Variants in ERCC8 observed in about 807,000 individuals in gnomAD.
ERCC8 encodes ERCC excision repair 8, CSA ubiquitin ligase complex subunit, also known as DNA excision repair protein ERCC-8.
Under a neutral mutation model 54.9 loss-of-function variants are expected in ERCC8, and 52 were observed. The observed-to-expected ratio is 0.95, with a 90% CI of 0.76 to 1.19. The LOEUF is 1.19. ERCC8 is among the 50% of genes most tolerant of loss of function. The probability of loss-of-function intolerance (pLI) is 0.00; values close to 1 mark genes in which losing one functional copy is unlikely to be tolerated. For missense variants in ERCC8, 514 were observed against 466.1 expected (o/e 1.10, Z -0.95); for synonymous variants, 146 against 157.2 (o/e 0.93, Z 0.53).
intron 2 of ERCC8, among the ~76,000 whole-genome samples, chr5:60,926,132 T>C (rs113459006): frequency 0.011 from 1,630 of 152,272 alleles, 13 homozygotes; most frequent in Non-Finnish European, 0.019. Context: ...GCCTGTCATC[T>C]TTCAAGAATG....
In ERCC8 at chr5:60,896,341, C is replaced by T. The variant is rs567367692; in HGVS notation, c.843+1935G>A. Among the ~76,000 whole-genome samples the T allele has an allele frequency of 6.6e-5, 10 of 152,228 alleles. No homozygotes were observed. In the South Asian group the frequency reaches 2.1e-3, roughly 32 times the overall value. ...AAGCGATTCTCCTGTGTCAGCCTCC[C>T]GAGTAGCTGGGACTACAGGTGCCCA... is the stretch of plus-strand genomic sequence containing the variant. On this transcript the variant is annotated intron_variant, in intron 9 of 11. Transcript: ENST00000676185.
At chr5:60,942,046 G>A (rs1315443117) in intron 1 of ERCC8, among the ~76,000 whole-genome samples, 1 of 152,038 alleles carries the variant, frequency 6.6e-6, no homozygotes, top group Non-Finnish European at 1.5e-5. Context: ...ATCCGAAGTA[G>A]ACAACGAAAA....
At chr5:60,909,100 TA>T (rs1227636269) in intron 4 of ERCC8, among the ~76,000 whole-genome samples, 3 of 151,752 alleles carry the variant, frequency 2.0e-5, no homozygotes, top group Non-Finnish European at 4.4e-5. Context: ...GTTTTGGCTT[TA>T]AAAAAGTCAA....
rs1749496516 is a variant in ERCC8, at chr5:60,918,280, A to G, written c.384T>C (p.Asp128=). The change falls in exon 4 of 12, where the codon GAT becomes GAC. Residue 128 remains aspartate, a synonymous_variant. Transcript: ENST00000676185. ...ATGTACTTACTTGTAATGTATTTGTATCCCATACTTTCAGAGTTTTATCAA... is the reference window on the plus strand; with the variant it reads ...ATGTACTTACTTGTAATGTATTTGTGTCCCATACTTTCAGAGTTTTATCAA... ...SSFDKTLKVW[D]TNTLQTADVF... 3 of 1,598,050 alleles carry G rather than the reference A, an allele frequency of 1.9e-6. No individual in the cohort carries two copies. The highest frequency in any genetic ancestry group is 2.7e-5 in the African/African-American group (2 of 74,620).
At chr5:60,876,303 A>T (rs1579980019) in intron 11 of ERCC8, among the ~76,000 whole-genome samples, 1 of 152,126 alleles carries the variant, frequency 6.6e-6, no homozygotes, top group East Asian at 1.9e-4. Flanking sequence ...GGTTGGTTCC[A>T]AGTCTTTCCT....
chr5:60,897,420 C>A (rs1333433730), intron 9 of ERCC8, among the ~76,000 whole-genome samples: 1 of 152,194 alleles, frequency 6.6e-6, no homozygotes, highest in East Asian at 1.9e-4. Context: ...GTTTTGCCAA[C>A]TGCTGTCTAA....
At chr5:60,886,794 T>C (rs1178085382) in intron 11 of ERCC8, among the ~76,000 whole-genome samples, 1 of 151,592 alleles carries the variant, frequency 6.6e-6, no homozygotes, top group African/African-American at 2.4e-5. Flanking sequence ...ATTTAAGAGA[T>C]AATTCCACTT....
At chr5:60,888,604 TTAGA>T (rs1373285627) in intron 10 of ERCC8, among the ~76,000 whole-genome samples, 1 of 152,176 alleles carries the variant, frequency 6.6e-6, no homozygotes, top group Non-Finnish European at 1.5e-5. Flanking sequence ...CAAAGAACAC[TTAGA>T]TAGAATGATT....
At position 60,869,653 on chromosome 5, in the gene ERCC8, A is replaced by G. The variant is rs1747822508; in HGVS notation, c.*4962T>C. Among the ~76,000 whole-genome samples, 1 of 152,314 alleles carries G rather than the reference A, an allele frequency of 6.6e-6. No homozygotes were observed. Among genetic ancestry groups the G allele is most frequent in the African/African-American group, 2.4e-5 (1 of 41,584 alleles). On this transcript the variant is annotated 3_prime_UTR_variant, in exon 12 of 12. Transcript: ENST00000676185. ...AATTCTAAAGTAAAGGCATGGTAGC[A>G]AGTTTAAAAGAGAGGTCAAGCTGAT... is the stretch of plus-strand genomic sequence containing the variant.
intron 9 of ERCC8, chr5:60,892,768 G>C: frequency 1.4e-6 from 1 of 691,012 alleles, no homozygotes. Flanking sequence ...GCATCCAGCA[G>C]CCGGATGAAC....
intron 11 of ERCC8, among the ~76,000 whole-genome samples, chr5:60,884,772 A>G (rs1160401001): frequency 1.3e-5 from 2 of 152,096 alleles, no homozygotes; most frequent in African/African-American, 4.8e-5. Flanking sequence ...ACTTTAGCAC[A>G]TACCATTTTA....
chr5:60,943,499 T>TTG (rs1750326165), intron 1 of ERCC8, among the ~76,000 whole-genome samples: 1 of 152,196 alleles, frequency 6.6e-6, no homozygotes, highest in Non-Finnish European at 1.5e-5. Context: ...CTATGGGTGA[T>TTG]TGGTCACTGT....
At position 60,866,850 on chromosome 5, in the gene ERCC8, T is replaced by C. The variant is rs943480180; in HGVS notation, c.*7765A>G. On this transcript the variant is annotated 3_prime_UTR_variant, in exon 12 of 12. Transcript: ENST00000676185. ...TTTCTATTCCAGTTTTCTGTCCCCT[T>C]CCTTTTTTTTTTGAGATGGAGTCTC... 2.0e-5 allele frequency: 3 copies of C among 152,072 alleles called. No individual in the cohort carries two copies. Among genetic ancestry groups the C allele is most frequent in the African/African-American group, 7.2e-5 (3 of 41,402 alleles). The allele number at this position is 152,072 out of a possible 1,614,324, so 9.4% of individuals were successfully genotyped here.
At position 60,921,749 on chromosome 5, in the gene ERCC8, CTAATTAGT is replaced by C. The variant is rs1386170549; in HGVS notation, c.275+297_275+304del. Among the ~76,000 whole-genome samples, 29 of 151,724 alleles carry C rather than the reference CTAATTAGT, an allele frequency of 1.9e-4. 1 individual carries two copies. The highest frequency in any genetic ancestry group is 1.9e-3 in the Admixed American group (29 of 15,200). ...CTTACACTAAGTGGTACTAAAAACT[CTAATTAGT>C]TACTGAGATGTGCTATGTAGGTAAA... On this transcript the variant is annotated intron_variant, in intron 3 of 11. Transcript: ENST00000676185.
chr5:60,876,063 G>A (rs1747995964), intron 11 of ERCC8, among the ~76,000 whole-genome samples: 1 of 151,002 alleles, frequency 6.6e-6, no homozygotes, highest in Non-Finnish European at 1.5e-5. Context: ...GGTGTGTGAT[G>A]TTCCCCTTCC....
At chr5:60,876,640 G>A (rs1258625650) in intron 11 of ERCC8, among the ~76,000 whole-genome samples, 1 of 152,172 alleles carries the variant, frequency 6.6e-6, no homozygotes, top group Non-Finnish European at 1.5e-5. Flanking sequence ...GTGATGATGA[G>A]CATTTTTTCA....
At chr5:60,942,812 GTTGTAAAATGTT>G (rs1750300838) in intron 1 of ERCC8, among the ~76,000 whole-genome samples, 1 of 152,164 alleles carries the variant, frequency 6.6e-6, no homozygotes, top group African/African-American at 2.4e-5. Flanking sequence ...CCTCAATAAA[GTTGTAAAATGTT>G]TTTTTAGAGG....
chr5:60,913,466 A>G (rs1308657691), intron 4 of ERCC8, among the ~76,000 whole-genome samples: 1 of 151,848 alleles, frequency 6.6e-6, no homozygotes, highest in African/African-American at 2.4e-5. Flanking sequence ...TATTGCGTCT[A>G]TTTGATTCTC....
intron 11 of ERCC8, among the ~76,000 whole-genome samples, chr5:60,882,943 G>A (rs1160556598): frequency 2.0e-5 from 3 of 150,212 alleles, no homozygotes; most frequent in African/African-American, 4.9e-5. Context: ...ACTTGCCTTT[G>A]ATAACTACCA....
Sources: gnomAD v4.1 joint callset for allele counts (sites outside exome capture counted in the v4.1 genomes callset) on GRCh38, gnomAD v4.1.1 for gene constraint, MANE v1.5 for transcripts, NCBI Gene and HGNC (gene_info 2026-07-23, HGNC 2026-07-21) for gene names.